NAALADL2: variants seen among roughly 807,000 people sequenced by gnomAD.
NAALADL2 encodes the protein N-acetylated alpha-linked acidic dipeptidase like 2.
NAALADL2 carries 76 observed loss-of-function variants against 87.2 expected under a neutral mutation model. That is an observed-to-expected ratio of 0.87 (90% CI 0.72 to 1.05). The LOEUF is 1.05. Ranked by LOEUF, NAALADL2 falls within the 50% of genes least tolerant of loss-of-function variation. NAALADL2 has a pLI of 0.00. For synonymous variants in NAALADL2, 354 were observed against 331.0 expected (o/e 1.07, Z -0.75); for missense variants, 1,089 against 945.8 (o/e 1.15, Z -1.99).
At chr3:174,990,081 T>C (rs1746506519) in intron 1 of NAALADL2, among the ~76,000 whole-genome samples, 1 of 152,146 alleles carries the variant, frequency 6.6e-6, no homozygotes, top group African/African-American at 2.4e-5. Flanking sequence ...TGCATGAGGA[T>C]AGACAAAGCT....
intron 10 of NAALADL2, among the ~76,000 whole-genome samples, chr3:175,599,064 A>C (rs1313639757): frequency 2.6e-5 from 4 of 152,150 alleles, no homozygotes; most frequent in African/African-American, 4.8e-5. Flanking sequence ...TATACTCTTC[A>C]TGGTGTGGCC....
intron 1 of NAALADL2, among the ~76,000 whole-genome samples, chr3:174,984,530 C>G (rs747946400): frequency 2.0e-5 from 3 of 152,086 alleles, no homozygotes; most frequent in Non-Finnish European, 2.9e-5. Flanking sequence ...CCCAATGGAT[C>G]AGAAACTCAA....
At chr3:175,675,911 T>C (rs532623220) in intron 11 of NAALADL2, 41 of 152,318 alleles carry the variant, frequency 2.7e-4, no homozygotes, top group African/African-American at 9.9e-4. Flanking sequence ...ATGTTGTTTT[T>C]TCATTAGTTG....
chr3:174,870,026 A>C (rs1433219119), intron 1 of NAALADL2, among the ~76,000 whole-genome samples: 1 of 150,728 alleles, frequency 6.6e-6, no homozygotes, highest in East Asian at 1.9e-4. Context: ...AAAAAAAAAA[A>C]AAAAGGCTAA....
At chr3:174,477,745 C>A (rs1188163724) in intron 1 of NAALADL2, among the ~76,000 whole-genome samples, 1 of 152,122 alleles carries the variant, frequency 6.6e-6, no homozygotes, top group African/African-American at 2.4e-5. Context: ...CATAGATTTC[C>A]TCTGGGGAAG....
chr3:174,971,046 T>C (rs947679861), intron 1 of NAALADL2, among the ~76,000 whole-genome samples: 1 of 151,952 alleles, frequency 6.6e-6, no homozygotes, highest in Non-Finnish European at 1.5e-5. Flanking sequence ...TACATGGTGG[T>C]GGCAAGAGAA....
intron 2 of NAALADL2, among the ~76,000 whole-genome samples, chr3:175,108,100 G>T (rs1020881096): frequency 2.6e-5 from 4 of 151,828 alleles, no homozygotes; most frequent in Non-Finnish European, 4.4e-5. Context: ...CAAATGAAGT[G>T]CCCTTCTATT....
At chr3:174,618,746 A>G (rs1706203730) in intron 2 of NAALADL2, among the ~76,000 whole-genome samples, 1 of 151,812 alleles carries the variant, frequency 6.6e-6, no homozygotes, top group Admixed American at 6.6e-5. Flanking sequence ...GCTCAATGTA[A>G]TTTTTTTATA....
intron 2 of NAALADL2, among the ~76,000 whole-genome samples, chr3:174,652,384 A>G (rs1219607895): frequency 6.6e-6 from 1 of 152,202 alleles, no homozygotes; most frequent in African/African-American, 2.4e-5. Context: ...ACATTGCTAT[A>G]CGGATATATC....
At chr3:174,484,058 AAC>A (rs1426233822) in intron 1 of NAALADL2, among the ~76,000 whole-genome samples, 1 of 152,088 alleles carries the variant, frequency 6.6e-6, no homozygotes, top group East Asian at 1.9e-4. Flanking sequence ...CAAAGAGAGT[AAC>A]GATTGTCACA....
intron 10 of NAALADL2, among the ~76,000 whole-genome samples, chr3:175,626,004 G>C (rs1726935135): frequency 6.6e-6 from 1 of 151,946 alleles, no homozygotes; most frequent in African/African-American, 2.4e-5. Flanking sequence ...TATTCTTTCT[G>C]AAAAACATGC....
chr3:174,769,839 C>A (rs1180986779), intron 3 of NAALADL2, among the ~76,000 whole-genome samples: 6 of 151,346 alleles, frequency 4.0e-5, no homozygotes, highest in Non-Finnish European at 8.9e-5. Flanking sequence ...AATGTTTATA[C>A]CAGATCTAAA....
At chr3:174,441,417 C>CCG (rs1559987495) in intron 1 of NAALADL2, among the ~76,000 whole-genome samples, 1 of 152,158 alleles carries the variant, frequency 6.6e-6, no homozygotes, top group African/African-American at 2.4e-5. Context: ...CGTTCACACA[C>CCG]GTATGCAGTG....
intron 2 of NAALADL2, among the ~76,000 whole-genome samples, chr3:174,589,915 C>T (rs1717173145): frequency 6.6e-6 from 1 of 151,058 alleles, no homozygotes; most frequent in African/African-American, 2.4e-5. Flanking sequence ...ATAAAACATC[C>T]TGTTATTTCT....
chr3:175,476,044 C>T (rs961915561), intron 9 of NAALADL2, among the ~76,000 whole-genome samples: 1 of 152,192 alleles, frequency 6.6e-6, no homozygotes, highest in Middle Eastern at 3.4e-3. Flanking sequence ...TAGTTGTAGT[C>T]GTTGTTGTTG....
At chr3:174,511,696 C>T (rs1719608042) in intron 1 of NAALADL2, among the ~76,000 whole-genome samples, 1 of 150,026 alleles carries the variant, frequency 6.7e-6, no homozygotes, top group Non-Finnish European at 1.5e-5. Context: ...TGTTTGTTTT[C>T]TATTTCTCTT....
chr3:174,818,653 T>C (rs1721058638), intron 3 of NAALADL2, among the ~76,000 whole-genome samples: 1 of 152,170 alleles, frequency 6.6e-6, no homozygotes, highest in South Asian at 2.1e-4. Context: ...TAAGAAGCCC[T>C]GGTGAGATCT....
intron 5 of NAALADL2, among the ~76,000 whole-genome samples, chr3:175,400,953 A>T (rs1470041439): frequency 1.3e-5 from 2 of 152,162 alleles, no homozygotes; most frequent in Non-Finnish European, 2.9e-5. Flanking sequence ...CAGTTTTATT[A>T]ATTTAAAGAT....
intron 3 of NAALADL2, among the ~76,000 whole-genome samples, chr3:174,820,474 G>A (rs1382453297): frequency 1.3e-5 from 2 of 152,080 alleles, no homozygotes; most frequent in Non-Finnish European, 2.9e-5. Context: ...TACAATTGTA[G>A]TGGTCCTATA....
Sources: gnomAD v4.1 joint callset for allele counts (sites outside exome capture counted in the v4.1 genomes callset) on GRCh38, gnomAD v4.1.1 for gene constraint, MANE v1.5 for transcripts, NCBI Gene and HGNC (gene_info 2026-07-23, HGNC 2026-07-21) for gene names.